The following RYR3 variants were observed in gnomAD, a reference collection of about 807,000 sequenced individuals.
RYR3 encodes brain ryanodine receptor-calcium release channel.
In RYR3, 207 loss-of-function variants were observed where a neutral mutation model predicts 584.3. The observed-to-expected ratio is 0.35, with a 90% CI of 0.32 to 0.40. The LOEUF (loss-of-function observed/expected upper bound fraction) is 0.40, where lower values mean the gene tolerates loss of function less well. Among genes scored for constraint, RYR3 ranks in the 10% least tolerant of loss-of-function variants. RYR3 has a pLI of 1.00. For missense variants in RYR3, 5,616 were observed against 6,089.2 expected, an observed-to-expected ratio of 0.92 and a Z score of 2.59; for synonymous variants, 2,416 against 2,248.5, an observed-to-expected ratio of 1.07 and a Z score of -2.11.
At chr15:33,389,076 T>G (rs1420808874) in intron 1 of RYR3, among the ~76,000 whole-genome samples, 3 of 103,914 alleles carry the variant, frequency 2.9e-5, no homozygotes, top group Non-Finnish European at 1.8e-5. Flanking sequence ...GGGGACTGTT[T>G]TGGGGTGGGG....
chr15:33,796,316 T>C (rs965351329), intron 67 of RYR3, among the ~76,000 whole-genome samples: 3 of 152,162 alleles, frequency 2.0e-5, no homozygotes, highest in Non-Finnish European at 4.4e-5. Flanking sequence ...GTATTTTTAG[T>C]AGAGACGGGG....
At position 33,787,982 on chromosome 15, in the gene RYR3, A is replaced by G. The variant is rs540672784; in HGVS notation, c.9590-236A>G. On this transcript the variant is annotated intron_variant, in intron 66 of 103. Transcript: ENST00000634891. ...GGTTCGAGGGAGGCAGGGGCTCCTC[A>G]TGGCCTGGAAGAGCAGAGCAGGAAT... Among the ~76,000 whole-genome samples the G allele has an allele frequency of 2.9e-4, 44 of 152,342 alleles. 1 individual carries two copies. In the South Asian group the frequency reaches 8.9e-3, roughly 31 times the overall value.
At chr15:33,814,680 C>G (rs2076714555) in intron 74 of RYR3, among the ~76,000 whole-genome samples, 1 of 152,012 alleles carries the variant, frequency 6.6e-6, no homozygotes, top group Non-Finnish European at 1.5e-5. Context: ...AGGCAGATCA[C>G]TTAAGGTCAG....
intron 1 of RYR3, among the ~76,000 whole-genome samples, chr15:33,343,907 T>A (rs139716163): frequency 6.6e-6 from 1 of 152,334 alleles, no homozygotes; most frequent in East Asian, 1.9e-4. Flanking sequence ...TCTTGATGTC[T>A]TCTGGCTTTG....
At chr15:33,463,163 C>G (rs74980512) in intron 1 of RYR3, among the ~76,000 whole-genome samples, 1 of 141,950 alleles carries the variant, frequency 7.0e-6, no homozygotes, top group Admixed American at 7.0e-5. Flanking sequence ...GACCCTATCT[C>G]AAAAAAAAAA....
At position 33,739,987 on chromosome 15, in the gene RYR3, C is replaced by G. The variant is rs41279214; in HGVS notation, c.7812C>G (p.Asn2604Lys). ...ADGNFDPKPI[N>K]TMNFSLPEKL... is the part of the protein sequence containing the mutation. The stretch of plus-strand genomic sequence containing the variant: ...GCAACTTTGACCCAAAACCTATTAA[C>G]ACCATGAAGTGAGTCCAGAATCATC... Residue 2604 changes from asparagine (N) to lysine (K), a missense_variant, in exon 51 of 104, where the codon AAC becomes AAG. This residue lies in a region of RYR3 where 1,280 missense variants were observed against 1,426.2 expected (regional missense o/e 0.90). Transcript: ENST00000634891. The G allele has an allele frequency of 3.6e-3, 5,800 of 1,613,558 alleles. 15 individuals are homozygous for G. Among genetic ancestry groups the G allele is most frequent in the Non-Finnish European group, 4.6e-3 (5,461 of 1,179,582 alleles).
intron 2 of RYR3, among the ~76,000 whole-genome samples, chr15:33,493,164 C>CTG (rs35492856): frequency 0.71 from 107,362 of 151,576 alleles, 38,474 homozygotes; most frequent in African/African-American, 0.82. Context: ...CCCCATCTCT[C>CTG]TGTTTCTGCC....
At chr15:33,837,534 T>A in intron 88 of RYR3, 97 bp from the exon 89 acceptor site, 6 of 1,346,526 alleles carry the variant, frequency 4.5e-6, no homozygotes, top group Non-Finnish European at 6.0e-6. Flanking sequence ...GCTGACTAAT[T>A]TGGCACAAAA....
At chr15:33,743,290 G>A (rs72715109) in intron 52 of RYR3, among the ~76,000 whole-genome samples, 20,690 of 152,166 alleles carry the variant, frequency 0.14, 1,528 homozygotes, top group South Asian at 0.25. Context: ...CATTGTAACT[G>A]TAGAACGGGC....
intron 12 of RYR3, among the ~76,000 whole-genome samples, 186 bp from the exon 13 acceptor site, chr15:33,579,790 G>A (rs1158848359): frequency 6.6e-6 from 1 of 152,180 alleles, no homozygotes; most frequent in African/African-American, 2.4e-5. Flanking sequence ...AAACTTGAAT[G>A]TGAATATTTC....
chr15:33,668,665 G>T (rs2063634593), intron 36 of RYR3, among the ~76,000 whole-genome samples: 1 of 152,096 alleles, frequency 6.6e-6, no homozygotes, highest in Admixed American at 6.5e-5. Flanking sequence ...AACGAAGATG[G>T]CATAGTAATA....
chr15:33,460,880 G>GGAACA (rs1166449839), intron 1 of RYR3, among the ~76,000 whole-genome samples: 1 of 148,352 alleles, frequency 6.7e-6, no homozygotes, highest in Non-Finnish European at 1.5e-5. Flanking sequence ...ATTTTTGATA[G>GGAACA]GAACAGCCCC....
At chr15:33,702,879 G>A (rs945212065) in intron 42 of RYR3, among the ~76,000 whole-genome samples, 4 of 152,150 alleles carry the variant, frequency 2.6e-5, no homozygotes, top group African/African-American at 7.2e-5. Context: ...GAAGCTGAGA[G>A]GGAAAATTGA....
chr15:33,618,156 G>A (rs2060545189), intron 19 of RYR3, among the ~76,000 whole-genome samples: 2 of 151,082 alleles, frequency 1.3e-5, no homozygotes, highest in Admixed American at 1.3e-4. Flanking sequence ...AAATTTGGGT[G>A]CTAATTTTTT....
intron 44 of RYR3, among the ~76,000 whole-genome samples, chr15:33,723,188 G>T (rs1268770899): frequency 1.3e-5 from 2 of 152,190 alleles, no homozygotes; most frequent in East Asian, 1.9e-4. Flanking sequence ...GAAGCTAAAG[G>T]TCTGGACCAA....
intron 5 of RYR3, among the ~76,000 whole-genome samples, chr15:33,533,970 T>C (rs2055104502): frequency 6.6e-6 from 1 of 152,266 alleles, no homozygotes; most frequent in Admixed American, 6.5e-5. Flanking sequence ...AAACTGTTTT[T>C]GCTTGCCATA....
At chr15:33,483,057 T>A (rs2050113019) in intron 2 of RYR3, among the ~76,000 whole-genome samples, 1 of 152,158 alleles carries the variant, frequency 6.6e-6, no homozygotes, top group African/African-American at 2.4e-5. Flanking sequence ...ACATGTGCTA[T>A]TAACCCCCTC....
Position 33,483,910 on chromosome 15 carries a change from G to T in RYR3, c.171+10372G>T, listed in dbSNP as rs549420551. On this transcript the variant is annotated intron_variant, in intron 2 of 103. Coordinates refer to ENST00000634891, the MANE Select transcript of RYR3 (RefSeq NM_001036.6). ...GACATCTATTCCCCATGGATCCTAT[G>T]AACAGGAGAGTACCCTTAGAAGAAA... Among the ~76,000 whole-genome samples, 10 of 152,194 alleles carry T rather than the reference G, an allele frequency of 6.6e-5. No homozygotes were observed. The South Asian group carries it at 2.1e-3, about 32-fold the overall frequency.
chr15:33,725,975 C>CTG (rs1567033770), intron 45 of RYR3, among the ~76,000 whole-genome samples: 1 of 10,058 alleles, frequency 9.9e-5, no homozygotes. Context: ...ATCCCCCCCC[C>CTG]CAAAAAAAAA....
Sources: gnomAD v4.1 joint callset for allele counts (sites outside exome capture counted in the v4.1 genomes callset) on GRCh38, gnomAD v4.1.1 for gene constraint, gnomAD v4.1.1 regional missense constraint, MANE v1.5 for transcripts, NCBI Gene and HGNC (gene_info 2026-07-23, HGNC 2026-07-21) for gene names.